Variants in NCKAP5 observed in about 807,000 individuals in gnomAD.
NCKAP5 encodes NCK associated protein 5, also known as nck-associated protein 5.
In NCKAP5, 92 loss-of-function variants were observed where a neutral mutation model predicts 167.0. That is an observed-to-expected ratio of 0.55 (90% CI 0.47 to 0.66). NCKAP5 has a LOEUF of 0.66. Among genes scored for constraint, NCKAP5 ranks in the 30% least tolerant of loss-of-function variants. The pLI is 0.00. For synonymous variants in NCKAP5, 891 were observed against 877.4 expected (o/e 1.02, Z -0.27); for missense variants, 2,378 against 2,315.0 (o/e 1.03, Z -0.56).
intron 8 of NCKAP5, among the ~76,000 whole-genome samples, chr2:132,946,761 G>A (rs1030957744): frequency 8.5e-5 from 13 of 152,118 alleles, no homozygotes; most frequent in African/African-American, 3.1e-4. Flanking sequence ...CGCTAGGTGT[G>A]GTGGCTTGTG....
At chr2:132,803,798 T>C (rs1685221208) in intron 11 of NCKAP5, among the ~76,000 whole-genome samples, 1 of 152,200 alleles carries the variant, frequency 6.6e-6, no homozygotes, top group South Asian at 2.1e-4. Context: ...GAATCATGAC[T>C]ATGAGCTATG....
chr2:132,797,459 C>T (rs1684697354), intron 11 of NCKAP5, among the ~76,000 whole-genome samples: 1 of 152,050 alleles, frequency 6.6e-6, no homozygotes, highest in Admixed American at 6.5e-5. Context: ...ATTGCAAATA[C>T]AATAAAAGTC....
the NCKAP5 span, among the ~76,000 whole-genome samples, chr2:133,575,169 C>T: frequency 3.3e-4 from 50 of 152,324 alleles, no homozygotes; most frequent in Non-Finnish European, 5.3e-4. Flanking sequence ...TCCCCTGAGA[C>T]GCCAGGAAAG....
the NCKAP5 span, among the ~76,000 whole-genome samples, chr2:133,615,743 G>A: frequency 8.6e-5 from 13 of 152,016 alleles, no homozygotes; most frequent in Admixed American, 2.0e-4. Flanking sequence ...ACAGATCATC[G>A]AGACAGAAAG....
chr2:133,515,161 T>C (rs1197182680), intron 3 of NCKAP5, among the ~76,000 whole-genome samples: 1 of 152,198 alleles, frequency 6.6e-6, no homozygotes, highest in Non-Finnish European at 1.5e-5. Flanking sequence ...TCTAGCTTTC[T>C]TTCTGATACT....
chr2:133,514,068 A>C (rs1448646491), intron 3 of NCKAP5, among the ~76,000 whole-genome samples: 1 of 152,160 alleles, frequency 6.6e-6, no homozygotes, highest in Non-Finnish European at 1.5e-5. Context: ...GGTCAAGAAG[A>C]GGACTCGATT....
chr2:133,235,455 G>A (rs1291926068), intron 4 of NCKAP5, among the ~76,000 whole-genome samples: 1 of 152,182 alleles, frequency 6.6e-6, no homozygotes, highest in Non-Finnish European at 1.5e-5. Flanking sequence ...CAAAAAGGCA[G>A]GCTGGGCATG....
At chr2:133,470,846 G>C (rs1679211296) in intron 3 of NCKAP5, among the ~76,000 whole-genome samples, 1 of 152,264 alleles carries the variant, frequency 6.6e-6, no homozygotes, top group Non-Finnish European at 1.5e-5. Flanking sequence ...TCCCAAGTGA[G>C]GCAATGCCTC....
At chr2:133,286,985 A>G (rs1254233699) in intron 4 of NCKAP5, among the ~76,000 whole-genome samples, 2 of 152,204 alleles carry the variant, frequency 1.3e-5, no homozygotes, top group Non-Finnish European at 2.9e-5. Flanking sequence ...AGCAGAATCC[A>G]TCCCATACTA....
intron 3 of NCKAP5, among the ~76,000 whole-genome samples, chr2:133,338,406 T>TTTAC (rs761271721): frequency 6.6e-6 from 1 of 152,238 alleles, no homozygotes; most frequent in Non-Finnish European, 1.5e-5. Context: ...GCCTAAGGTC[T>TTTAC]TTACTCACAT....
intron 5 of NCKAP5, among the ~76,000 whole-genome samples, 180 bp from the exon 6 acceptor site, chr2:133,130,291 C>T (rs554167700): frequency 1.3e-5 from 2 of 152,268 alleles, no homozygotes; most frequent in African/African-American, 4.8e-5. Flanking sequence ...GGATCAGAGA[C>T]ACCTAAGTAA....
chr2:133,059,177 G>T (rs1214491164), intron 6 of NCKAP5, among the ~76,000 whole-genome samples: 1 of 152,058 alleles, frequency 6.6e-6, no homozygotes, highest in East Asian at 1.9e-4. Flanking sequence ...GTGGGCACCT[G>T]TAGTCCCAGC....
At chr2:133,187,457 T>C (rs1014623021) in intron 5 of NCKAP5, among the ~76,000 whole-genome samples, 7 of 152,182 alleles carry the variant, frequency 4.6e-5, no homozygotes, top group East Asian at 1.9e-4. Flanking sequence ...TTGGAAGCTA[T>C]AGTGGGAAGA....
the NCKAP5 span, among the ~76,000 whole-genome samples, chr2:133,625,598 T>C: frequency 2.6e-5 from 4 of 152,014 alleles, no homozygotes; most frequent in African/African-American, 9.7e-5. Context: ...TGAGAACAAC[T>C]TGAGCAGCAA....
chr2:133,599,092 G>A, the NCKAP5 span, among the ~76,000 whole-genome samples: 1 of 152,152 alleles, frequency 6.6e-6, no homozygotes, highest in Non-Finnish European at 1.5e-5. Flanking sequence ...AGTGGATTAG[G>A]GTTCACCCTA....
chr2:132,898,795 C>A (rs1211009680), intron 8 of NCKAP5, among the ~76,000 whole-genome samples: 3 of 152,206 alleles, frequency 2.0e-5, no homozygotes, highest in Admixed American at 2.0e-4. Context: ...GTAAAATATT[C>A]TGTGAACCAT....
At chr2:132,994,355 T>G in intron 6 of NCKAP5, 116 bp from the exon 7 acceptor site, 1 of 695,312 alleles carries the variant, frequency 1.4e-6, no homozygotes, top group Non-Finnish European at 2.3e-6. Flanking sequence ...CCTGGAAATC[T>G]CTTTTCTCTC....
chr2:132,963,050 T>C (rs976012909), intron 8 of NCKAP5, among the ~76,000 whole-genome samples: 6 of 151,980 alleles, frequency 3.9e-5, no homozygotes, highest in African/African-American at 1.4e-4. Flanking sequence ...TCTTTAAGCA[T>C]GTGACATTTC....
At chr2:133,188,208 G>T (rs910931000) in intron 5 of NCKAP5, among the ~76,000 whole-genome samples, 16 of 151,820 alleles carry the variant, frequency 1.1e-4, no homozygotes, top group African/African-American at 3.9e-4. Context: ...AATGGTAAGG[G>T]GATCAAATCA....
Sources: allele counts gnomAD v4.1 joint callset (sites outside exome capture counted in the v4.1 genomes callset), GRCh38; gene constraint gnomAD v4.1.1; transcripts MANE v1.5; gene names NCBI Gene and HGNC (gene_info 2026-07-23, HGNC 2026-07-21).